Variants in OTOG observed in about 807,000 individuals in gnomAD.
The protein encoded by OTOG is otogelin.
In OTOG, 296 loss-of-function variants were observed where a neutral mutation model predicts 313.8. The observed-to-expected ratio is 0.94, with a 90% CI of 0.86 to 1.04. The LOEUF is 1.04. Ranked by LOEUF, OTOG falls within the 50% of genes least tolerant of loss-of-function variation. OTOG has a pLI of 0.00. For missense variants in OTOG, 3,948 were observed against 3,840.1 expected (o/e 1.03, Z -0.74); for synonymous variants, 1,533 against 1,554.9 (o/e 0.99, Z 0.33).
chr11:17,552,528 CTCCCCCACCTGTCCTGTG>C (rs1185863862), intron 4 of OTOG, among the ~76,000 whole-genome samples: 264 of 38,800 alleles, frequency 6.8e-3, no homozygotes, highest in African/African-American at 0.021. Flanking sequence ...CTGTTCCTAC[CTCCCCCACCTGTCCTGTG>C]TCCCCCACCT....
Position 17,593,555 on chromosome 11 carries a change from GACCTGGGCGCTAGGGGGC to G in OTOG, c.3142-52_3142-35del. On this transcript the variant is annotated intron_variant, in intron 26 of 55. Transcript: ENST00000399397. ...TGAGGGCCTGGCTGCAGGCATAGCT[GACCTGGGCGCTAGGGGGC>G]ACTTGGGCTCAGGACTGACCATCTC... 7 of 1,539,200 alleles carry G rather than the reference GACCTGGGCGCTAGGGGGC, an allele frequency of 4.5e-6. 1 individual carries two copies. In the Admixed American group the frequency reaches 1.4e-4, roughly 30 times the overall value.
intron 54 of OTOG, among the ~76,000 whole-genome samples, chr11:17,644,020 T>C (rs1344679766): frequency 6.6e-6 from 1 of 152,218 alleles, no homozygotes; most frequent in Non-Finnish European, 1.5e-5. Flanking sequence ...GGCAGCCGCA[T>C]TGCTATGTCC....
rs1443696915 is a variant in OTOG, at chr11:17,640,816, G to C, written c.8007G>C (p.Glu2669Asp). The change falls in exon 50 of 56, where the codon GAG becomes GAC. Residue 2669 changes from glutamate (E) to aspartate (D), a missense_variant. By Grantham distance (45) the Glu-to-Asp change is conservative. Transcript: ENST00000399397. ...ATGTGTGTGGCTGCGCCAAGTACGA[G>C]TGTGGTGAGTGGGGGAAGCCTCGGG... The part of the protein sequence containing the change: ...VENVCGCAKY[E>D]CVKAPVCLSR... 6.5e-7 allele frequency: 1 copy of C among 1,550,360 alleles called. No homozygotes were observed.
chr11:17,645,507 G>C, intron 54 of OTOG, 57 bp from the exon 55 acceptor site: 1 of 1,516,136 alleles, frequency 6.6e-7, no homozygotes, highest in Non-Finnish European at 8.9e-7. Flanking sequence ...GGCCCATCCT[G>C]CTGCCCCGAA....
chr11:17,610,455 A>G lies in OTOG; in HGVS notation c.5155A>G (p.Ile1719Val). The G allele has an allele frequency of 6.4e-7, 1 of 1,550,576 alleles. No individual in the cohort carries two copies. Among genetic ancestry groups the G allele is most frequent in the Non-Finnish European group, 8.7e-7 (1 of 1,146,962 alleles). Residue 1719 changes from isoleucine to valine, a missense_variant, in exon 36 of 56, where the codon ATA becomes GTA. Coordinates refer to ENST00000399397, the MANE Select transcript of OTOG (RefSeq NM_001292063.2). ...VSPLATRSLE[I>V]VLSTEKGEAG... ...TCCCCTTGCAACCAGGAGCTTGGAG[A>G]TAGTGCTATCCACAGAGAAGGGCGA...
At chr11:17,559,864 A>AGAAGGAAG (rs143683334) in intron 12 of OTOG, among the ~76,000 whole-genome samples, 2 of 140,222 alleles carry the variant, frequency 1.4e-5, no homozygotes, top group South Asian at 5.1e-4. Context: ...AAGGAAGGGA[A>AGAAGGAAG]GAAGGAAGGA....
intron 54 of OTOG, 43 bp downstream of exon 54, chr11:17,643,549 G>C: frequency 7.6e-7 from 1 of 1,319,230 alleles, no homozygotes; most frequent in East Asian, 3.0e-5. Flanking sequence ...GGGCTCTGAT[G>C]GGGGCACAGG....
At chr11:17,597,895 G>A (rs1037808076) in intron 30 of OTOG, among the ~76,000 whole-genome samples, 14 of 152,288 alleles carry the variant, frequency 9.2e-5, no homozygotes, top group African/African-American at 2.4e-4. Flanking sequence ...GAGTCTCTTC[G>A]TCTGTAATAG....
chr11:17,581,716 T>A (rs959513611), intron 23 of OTOG, among the ~76,000 whole-genome samples: 2 of 152,202 alleles, frequency 1.3e-5, no homozygotes, highest in African/African-American at 4.8e-5. Flanking sequence ...CACACTCCTG[T>A]GAAGATATAG....
rs1174557433 is a variant in OTOG, at chr11:17,608,410, C to A, written c.4271C>A (p.Pro1424His). The A allele has an allele frequency of 1.3e-6, 2 of 1,534,666 alleles. No homozygotes were observed. The highest frequency in any genetic ancestry group is 1.8e-6 in the Non-Finnish European group (2 of 1,140,106). The change falls in exon 34 of 56, where the codon CCC (proline) becomes CAC (histidine). Residue 1424 changes from proline to histidine, a missense_variant. Physicochemically the swap from Pro to His is moderately conservative, Grantham distance 77. Coordinates refer to ENST00000399397, the MANE Select transcript of OTOG (RefSeq NM_001292063.2). ...CGGGCAGCCAGCTGCCGGGACGTAC[C>A]CAGGTGAGATGCCAGGGGCTGTGGG... ...DPRAASCRDV[P>H]RVEGCVPVCP...
At chr11:17,612,368 C>T (rs1258244753) in intron 37 of OTOG, 38 bp downstream of exon 37, 1 of 1,493,424 alleles carries the variant, frequency 6.7e-7, no homozygotes, top group Non-Finnish European at 8.9e-7. Context: ...TGCATCCTCC[C>T]TGTATCCTTA....
At chr11:17,584,637 T>G (rs959764464) in intron 23 of OTOG, among the ~76,000 whole-genome samples, 6 of 152,212 alleles carry the variant, frequency 3.9e-5, no homozygotes, top group Non-Finnish European at 5.9e-5. Flanking sequence ...CTGACTTTTA[T>G]GCCTAAATCT....
Position 17,570,117 on chromosome 11 carries a change from G to C in OTOG, c.1778-96G>C, listed in dbSNP as rs929787438. On this transcript the variant is annotated intron_variant, in intron 16 of 55. Coordinates refer to ENST00000399397, the MANE Select transcript of OTOG (RefSeq NM_001292063.2). ...GCAGGCAGGGGGCGAAGACTGGGCCGGGCGTGGGAGTCTGAGCGGGCCAGG... is the reference window on the plus strand; with the variant it reads ...GCAGGCAGGGGGCGAAGACTGGGCCCGGCGTGGGAGTCTGAGCGGGCCAGG... 3.5e-6 allele frequency: 4 copies of C among 1,143,544 alleles called. No individual in the cohort carries two copies. The African/African-American group carries it at 6.1e-5, about 18-fold the overall frequency. The allele number at this position is 1,143,544 out of a possible 1,614,324, so 70.8% of individuals were successfully genotyped here. A position where few individuals can be genotyped will look rare whatever the true frequency, so the allele number is the denominator to read the frequency against.
chr11:17,594,208 A>T, intron 28 of OTOG, 42 bp downstream of exon 28: 1 of 1,550,288 alleles, frequency 6.5e-7, no homozygotes, highest in African/African-American at 1.4e-5. Context: ...CCTCACTCAG[A>T]TGGGCGCTGC....
chr11:17,598,753 C>A (rs1335424982), intron 30 of OTOG, among the ~76,000 whole-genome samples: 1 of 152,182 alleles, frequency 6.6e-6, no homozygotes. Context: ...ACTGGGTATA[C>A]CCTGGAAACC....
At chr11:17,575,291 A>G (rs893876119) in intron 20 of OTOG, among the ~76,000 whole-genome samples, 6 of 152,238 alleles carry the variant, frequency 3.9e-5, no homozygotes, top group African/African-American at 1.4e-4. Flanking sequence ...GGGAGCTCAC[A>G]TTCTAGGGTT....
At position 17,643,497 on chromosome 11, in the gene OTOG, T is replaced by C. The variant is rs1223713367; in HGVS notation, c.8452T>C (p.Cys2818Arg). 1.4e-6 allele frequency: 2 copies of C among 1,436,810 alleles called. No homozygotes were observed. The highest frequency in any genetic ancestry group is 3.0e-5 in the East Asian group (1 of 33,796). The allele number at this position is 1,436,810 out of a possible 1,614,324, so 89.0% of individuals were successfully genotyped here. ...CGTGGTACCTTCCTTGGAAGGATGC[T>C]GCAGGACCTGTGAGTGAGCATGGTG... ...GSVVPSLEGCCRTCKEDGRSC... is the reference protein window; with the variant it reads ...GSVVPSLEGCRRTCKEDGRSC... Residue 2818 changes from cysteine (C) to arginine (R), a missense_variant, in exon 54 of 56, where the codon TGC (cysteine) becomes CGC (arginine). Transcript: ENST00000399397.
At chr11:17,601,013 C>T (rs1196615966) in intron 31 of OTOG, among the ~76,000 whole-genome samples, 1 of 152,244 alleles carries the variant, frequency 6.6e-6, no homozygotes, top group African/African-American at 2.4e-5. Context: ...GTTTCTAACT[C>T]CACATTCAGT....
intron 40 of OTOG, among the ~76,000 whole-genome samples, chr11:17,630,348 C>A (rs1854091869): frequency 6.6e-6 from 1 of 152,178 alleles, no homozygotes; most frequent in Admixed American, 6.5e-5. Flanking sequence ...GCACTGTGGT[C>A]AGCAGTAGCC....
Sources: gnomAD v4.1 joint callset for allele counts (sites outside exome capture counted in the v4.1 genomes callset) on GRCh38, gnomAD v4.1.1 for gene constraint, MANE v1.5 for transcripts, NCBI Gene and HGNC (gene_info 2026-07-23, HGNC 2026-07-21) for gene names.